Variants in ASAP2 observed in about 807,000 individuals in gnomAD.
ASAP2 encodes arf-GAP with SH3 domain, ANK repeat and PH domain-containing protein 2.
A neutral mutation model predicts 131.4 loss-of-function variants in ASAP2; 45 were observed. That is an observed-to-expected ratio of 0.34 (90% confidence interval 0.27 to 0.44). ASAP2 has a LOEUF of 0.44. ASAP2 is among the 20% of genes least tolerant of loss of function. ASAP2 has a pLI of 1.00. For synonymous variants in ASAP2, 510 were observed against 503.0 expected (o/e 1.01, Z -0.19); for missense variants, 1,011 against 1,297.0 (o/e 0.78, Z 3.39).
intron 2 of ASAP2, among the ~76,000 whole-genome samples, chr2:9,286,447 A>AAAAAAAATATATATAT (rs58605449): frequency 4.7e-5 from 7 of 148,418 alleles, no homozygotes; most frequent in African/African-American, 1.8e-4. Flanking sequence ...GAAAAAAAAA[A>AAAAAAAATATATATAT]ATATATATAT....
At chr2:9,248,813 T>C (rs958475579) in intron 1 of ASAP2, among the ~76,000 whole-genome samples, 1 of 152,176 alleles carries the variant, frequency 6.6e-6, no homozygotes, top group Non-Finnish European at 1.5e-5. Flanking sequence ...TCCCTGAACC[T>C]AGTTTTTTAG....
At chr2:9,277,317 C>T (rs1303511125) in intron 1 of ASAP2, among the ~76,000 whole-genome samples, 4 of 152,184 alleles carry the variant, frequency 2.6e-5, no homozygotes, top group African/African-American at 9.7e-5. Context: ...GAGTCTGCGG[C>T]TGGAAGACTG....
At chr2:9,282,535 C>T (rs1368611879) in intron 2 of ASAP2, among the ~76,000 whole-genome samples, 1 of 152,084 alleles carries the variant, frequency 6.6e-6, no homozygotes, top group African/African-American at 2.4e-5. Context: ...CAGGCATATT[C>T]AAGAAGGGAC....
chr2:9,345,617 G>C lies in ASAP2; in HGVS notation c.1023+817G>C, dbSNP rs563238059. Among the ~76,000 whole-genome samples, 9 of 152,274 alleles carry C rather than the reference G, an allele frequency of 5.9e-5. No individual in the cohort carries two copies. The South Asian group carries it at 1.9e-3, about 32-fold the overall frequency. On this transcript the variant is annotated intron_variant, in intron 11 of 27. Coordinates refer to ENST00000281419, the MANE Select transcript of ASAP2 (RefSeq NM_003887.3). The stretch of plus-strand genomic sequence containing the variant: ...GTTGCCTTTTTGTTGCTAGAGAGAT[G>C]CTGAGGGTTGTTTGCATTCCCATTC...
At chr2:9,391,757 G>A (rs922661414) in intron 23 of ASAP2, among the ~76,000 whole-genome samples, 15 of 107,040 alleles carry the variant, frequency 1.4e-4, no homozygotes, top group Non-Finnish European at 2.3e-4. Context: ...TTTTTTTTTT[G>A]TATTTTTAGT....
chr2:9,330,366 G>A (rs930372689), intron 7 of ASAP2, among the ~76,000 whole-genome samples: 9 of 152,184 alleles, frequency 5.9e-5, no homozygotes, highest in African/African-American at 1.7e-4. Context: ...TGCTAAGAAA[G>A]GCATACCCAT....
chr2:9,323,268 G>C lies in ASAP2; in HGVS notation c.600+18G>C. ...TGTGCGAGGTAAGGCGGTGGTGAAGGCAGGTCCTACAGCCCAGGCTGTGCC... is the reference window on the plus strand; with the variant it reads ...TGTGCGAGGTAAGGCGGTGGTGAAGCCAGGTCCTACAGCCCAGGCTGTGCC... On this transcript the variant is annotated intron_variant, in intron 6 of 27. Transcript: ENST00000281419. 6.2e-7 allele frequency: 1 copy of C among 1,613,966 alleles called. No individual in the cohort carries two copies.
chr2:9,259,211 A>G (rs546510239), intron 1 of ASAP2, among the ~76,000 whole-genome samples: 36 of 152,360 alleles, frequency 2.4e-4, no homozygotes, highest in African/African-American at 8.2e-4. Context: ...AAACAAACAA[A>G]GAAAGTAAAA....
chr2:9,257,206 C>T (rs1665229601), intron 1 of ASAP2, among the ~76,000 whole-genome samples: 1 of 152,188 alleles, frequency 6.6e-6, no homozygotes, highest in African/African-American at 2.4e-5. Context: ...GGGCCCCCAT[C>T]CTGAAGGAGT....
rs192239995 is a variant in ASAP2 at position 9,388,827 on chromosome 2, G to T, written c.2383+281G>T. Among the ~76,000 whole-genome samples the T allele has an allele frequency of 4.0e-3, 608 of 152,256 alleles. 4 individuals are homozygous for T. Among genetic ancestry groups the T allele is most frequent in the African/African-American group, 0.014 (573 of 41,536 alleles). Reference sequence around the variant, plus strand: ...GCCTGAGGTGGCCAACTGGGCTCCCGGGGCTGGGCCAAAAGACACACTCCT... The same window carrying T: ...GCCTGAGGTGGCCAACTGGGCTCCCTGGGCTGGGCCAAAAGACACACTCCT... On this transcript the variant is annotated intron_variant, in intron 22 of 27. Transcript: ENST00000281419.
At chr2:9,327,950 C>T in intron 7 of ASAP2, 39 bp downstream of exon 7, 1 of 1,453,028 alleles carries the variant, frequency 6.9e-7, no homozygotes, top group Admixed American at 2.4e-5. Flanking sequence ...AATGTTTGTT[C>T]ATGTGTGGCA....
intron 2 of ASAP2, among the ~76,000 whole-genome samples, chr2:9,294,693 G>A (rs1010430909): frequency 6.6e-6 from 1 of 152,168 alleles, no homozygotes; most frequent in African/African-American, 2.4e-5. Flanking sequence ...TTCACTTAGA[G>A]CAACACTGAG....
chr2:9,232,959 G>T lies in ASAP2; in HGVS notation c.126+25729G>T, dbSNP rs576827204. Reference sequence around the variant, plus strand: ...TAGACGTGTTCCCAGCTGCAGTTTTGTTCTGTATCTATTGCCAGCAGGAAT... The same window carrying T: ...TAGACGTGTTCCCAGCTGCAGTTTTTTTCTGTATCTATTGCCAGCAGGAAT... On this transcript the variant is annotated intron_variant, in intron 1 of 27. Coordinates refer to ENST00000281419, the MANE Select transcript of ASAP2 (RefSeq NM_003887.3). This position sits in a 1 kb window ranked among gnomAD's most constrained non-coding sequence, Gnocchi z 4.1. Among the ~76,000 whole-genome samples the T allele has an allele frequency of 1.3e-5, 2 of 152,300 alleles. No individual in the cohort carries two copies. The highest frequency in any genetic ancestry group is 4.1e-4 in the South Asian group (2 of 4,822).
chr2:9,323,581 A>G (rs1558331350), intron 6 of ASAP2, among the ~76,000 whole-genome samples: 1 of 152,214 alleles, frequency 6.6e-6, no homozygotes, highest in Non-Finnish European at 1.5e-5. Flanking sequence ...CCTTGTACCA[A>G]TGGAGTCAGT....
At chr2:9,350,975 C>A in intron 12 of ASAP2, 80 bp downstream of exon 12, 1 of 1,071,562 alleles carries the variant, frequency 9.3e-7, no homozygotes, top group East Asian at 2.5e-5. Context: ...ATTTCAAACA[C>A]TGCATTCGGA....
At position 9,388,238 on chromosome 2, in the gene ASAP2, C is replaced by T. The variant is rs984659054; in HGVS notation, c.2131-56C>T. The T allele has an allele frequency of 2.5e-6, 4 of 1,601,382 alleles. No individual in the cohort carries two copies. In the African/African-American group the frequency reaches 5.4e-5, roughly 22 times the overall value. On this transcript the variant is annotated intron_variant, in intron 21 of 27. Coordinates refer to ENST00000281419, the MANE Select transcript of ASAP2 (RefSeq NM_003887.3). Reference sequence around the variant, plus strand: ...TTTTCACCCCTGTGTTGAATGTTATCACCAGGAGCAGTTCATATTTGTCTC... The same window carrying T: ...TTTTCACCCCTGTGTTGAATGTTATTACCAGGAGCAGTTCATATTTGTCTC...
chr2:9,208,410 G>T (rs1425457370), intron 1 of ASAP2, among the ~76,000 whole-genome samples: 14 of 145,426 alleles, frequency 9.6e-5, no homozygotes, highest in Admixed American at 7.5e-4. Flanking sequence ...TTTTTTTTCT[G>T]GTTTTTTTTT....
chr2:9,356,913 G>C (rs1160109129), intron 14 of ASAP2, among the ~76,000 whole-genome samples: 1 of 152,158 alleles, frequency 6.6e-6, no homozygotes, highest in Non-Finnish European at 1.5e-5. Flanking sequence ...CTTTATAGTA[G>C]GATGTGATTT....
At chr2:9,260,355 T>C (rs1157551625) in intron 1 of ASAP2, among the ~76,000 whole-genome samples, 2 of 152,186 alleles carry the variant, frequency 1.3e-5, no homozygotes, top group Non-Finnish European at 1.5e-5. Flanking sequence ...CTGATCCCTG[T>C]GCACCTTCGG....
Sources: gnomAD v4.1 joint callset for allele counts (sites outside exome capture counted in the v4.1 genomes callset) on GRCh38, gnomAD v4.1.1 for gene constraint, Gnocchi (gnomAD v3.1) non-coding constraint, MANE v1.5 for transcripts, NCBI Gene and HGNC (gene_info 2026-07-23, HGNC 2026-07-21) for gene names.